The following ULK4 variants were observed in gnomAD, a reference collection of about 807,000 sequenced individuals.
ULK4 encodes the protein unc-51 like kinase 4, also known as inactive serine/threonine-protein kinase ULK4.
ULK4 carries 133 observed loss-of-function variants against 160.6 expected under a neutral mutation model. The observed-to-expected ratio is 0.83, with a 90% CI of 0.72 to 0.96. ULK4 has a LOEUF of 0.96. Ranked by LOEUF, ULK4 falls within the 40% of genes least tolerant of loss-of-function variation. The pLI, the probability that ULK4 is intolerant of heterozygous loss-of-function variation, is 0.00. For missense variants in ULK4, 1,580 were observed against 1,499.5 expected (o/e 1.05, Z -0.89); for synonymous variants, 534 against 539.8 (o/e 0.99, Z 0.15).
chr3:41,532,304 T>C (rs1185452901), intron 32 of ULK4, among the ~76,000 whole-genome samples: 1 of 152,200 alleles, frequency 6.6e-6, no homozygotes, highest in South Asian at 2.1e-4. Flanking sequence ...GCTGCTTCAC[T>C]GTCTCAAGCT....
intron 17 of ULK4, among the ~76,000 whole-genome samples, chr3:41,849,290 C>A (rs891306800): frequency 2.0e-5 from 3 of 152,158 alleles, no homozygotes; most frequent in African/African-American, 7.2e-5. Context: ...TAAACTATTG[C>A]ATCCATATCT....
At chr3:41,844,894 A>T (rs2042028757) in intron 17 of ULK4, among the ~76,000 whole-genome samples, 2 of 151,968 alleles carry the variant, frequency 1.3e-5, no homozygotes, top group African/African-American at 4.8e-5. Context: ...GCTGTTGTCC[A>T]CACAAACATC....
intron 27 of ULK4, among the ~76,000 whole-genome samples, chr3:41,703,785 T>C (rs2036763887): frequency 6.6e-6 from 1 of 151,418 alleles, no homozygotes; most frequent in East Asian, 1.9e-4. Context: ...AATTCCAACA[T>C]GTCAGAAGCC....
intron 32 of ULK4, among the ~76,000 whole-genome samples, chr3:41,477,940 G>A (rs1350444027): frequency 1.3e-5 from 2 of 152,216 alleles, no homozygotes; most frequent in South Asian, 2.1e-4. Context: ...GGTCTAACAT[G>A]CTCACCTAGG....
chr3:41,380,920 T>C (rs943797641), intron 35 of ULK4, among the ~76,000 whole-genome samples: 8 of 152,180 alleles, frequency 5.3e-5, no homozygotes, highest in Non-Finnish European at 1.2e-4. Flanking sequence ...TATGCTCCTC[T>C]TGCATGTGTC....
At chr3:41,491,788 AG>A in intron 32 of ULK4, among the ~76,000 whole-genome samples, 1 of 53,362 alleles carries the variant, frequency 1.9e-5, no homozygotes, top group South Asian at 5.6e-4. Context: ...TGTGCAGGTT[AG>A]TTACATATGT....
intron 30 of ULK4, among the ~76,000 whole-genome samples, chr3:41,651,682 G>T (rs2034749806): frequency 6.6e-6 from 1 of 152,276 alleles, no homozygotes; most frequent in African/African-American, 2.4e-5. Context: ...AAGTAAAAAG[G>T]AATTTTCTTG....
At chr3:41,803,729 T>C (rs980092593) in intron 19 of ULK4, among the ~76,000 whole-genome samples, 6 of 152,074 alleles carry the variant, frequency 3.9e-5, no homozygotes, top group Non-Finnish European at 8.8e-5. Flanking sequence ...AGTGAGAACA[T>C]GCGGTGTTTG....
intron 35 of ULK4, among the ~76,000 whole-genome samples, chr3:41,279,260 A>AAAC (rs530540949): frequency 0.26 from 32,685 of 126,668 alleles, 4,071 homozygotes; most frequent in Non-Finnish European, 0.31. Flanking sequence ...AAGAGTAAAA[A>AAAC]AAAAAAAAAA....
intron 32 of ULK4, among the ~76,000 whole-genome samples, chr3:41,497,651 T>C (rs1053486293): frequency 6.6e-6 from 1 of 152,130 alleles, no homozygotes; most frequent in Non-Finnish European, 1.5e-5. Flanking sequence ...GGACATTCCA[T>C]ATTGATGATA....
At chr3:41,347,931 G>A (rs1458508776) in intron 35 of ULK4, among the ~76,000 whole-genome samples, 1 of 152,114 alleles carries the variant, frequency 6.6e-6, no homozygotes, top group Non-Finnish European at 1.5e-5. Context: ...TGGACCACTA[G>A]GCACAGTGGC....
chr3:41,690,266 G>A (rs1479732285), intron 27 of ULK4, among the ~76,000 whole-genome samples: 1 of 151,162 alleles, frequency 6.6e-6, no homozygotes, highest in Non-Finnish European at 1.5e-5. Context: ...ACAGGAAGGG[G>A]AACATCACAC....
At chr3:41,946,460 T>G (rs1166463999) in intron 2 of ULK4, among the ~76,000 whole-genome samples, 2 of 152,228 alleles carry the variant, frequency 1.3e-5, no homozygotes, top group Admixed American at 6.5e-5. Flanking sequence ...GGATATTACA[T>G]GACTGCATAC....
In ULK4 at chr3:41,506,767, A is replaced by AAAAAAAAAATATATATATATATAAATAT; in HGVS notation, c.3227-43515_3227-43514insATATTTATATATATATATATTTTTTTTT. On this transcript the variant is annotated intron_variant, in intron 32 of 36. Coordinates refer to ENST00000301831, the MANE Select transcript of ULK4 (RefSeq NM_017886.4). Reference sequence around the variant, plus strand: ...AGCAATACACTGGAGTGTGATTTAAAATATATATATATATATATATATATA... The same window carrying AAAAAAAAAATATATATATATATAAATAT: ...AGCAATACACTGGAGTGTGATTTAAAAAAAAAAAATATATATATATATAAATATATATATATATATATATATATATATA... Among the ~76,000 whole-genome samples, 21 of 56,788 alleles carry AAAAAAAAAATATATATATATATAAATAT rather than the reference A, an allele frequency of 3.7e-4. 1 individual carries two copies. The highest frequency in any genetic ancestry group is 6.3e-4 in the Non-Finnish European group (20 of 31,978). The allele number at this position is 56,788 out of a possible 152,430, so 37.3% of individuals were successfully genotyped here.
chr3:41,601,781 AAAG>A (rs1559425116), intron 31 of ULK4, among the ~76,000 whole-genome samples: 1 of 152,230 alleles, frequency 6.6e-6, no homozygotes, highest in Non-Finnish European at 1.5e-5. Context: ...AGGTCATCCA[AAAG>A]AAGGAAAGTC....
chr3:41,947,120 G>A (rs1016796257), intron 2 of ULK4, among the ~76,000 whole-genome samples: 2 of 152,206 alleles, frequency 1.3e-5, no homozygotes, highest in Non-Finnish European at 2.9e-5. Flanking sequence ...AAGGTCGGGA[G>A]ATCGAGACCA....
At position 41,265,465 on chromosome 3, in the gene ULK4, C is replaced by T. The variant is rs149107407; in HGVS notation, c.3679-15891G>A. ...GGCTCTCTAATGAAACATTAGGGGCCGCCAAAATTCCTTCAAATTAATAAA... is the reference window on the plus strand; with the variant it reads ...GGCTCTCTAATGAAACATTAGGGGCTGCCAAAATTCCTTCAAATTAATAAA... On this transcript the variant is annotated intron_variant, in intron 35 of 36. Coordinates refer to ENST00000301831, the MANE Select transcript of ULK4 (RefSeq NM_017886.4). Among the ~76,000 whole-genome samples the T allele has an allele frequency of 8.9e-4, 135 of 152,064 alleles. 1 individual carries two copies. Among genetic ancestry groups the T allele is most frequent in the African/African-American group, 3.1e-3 (127 of 41,448 alleles).
rs531855948 is a variant in ULK4, at chr3:41,381,440, C to A, written c.3678+16639G>T. On this transcript the variant is annotated intron_variant, in intron 35 of 36. Coordinates refer to ENST00000301831, the MANE Select transcript of ULK4 (RefSeq NM_017886.4). ...TTGCCATTTCCAGATGGATGTTCAA[C>A]AGGCATCTTAAATGTAAAATGTTCA... Among the ~76,000 whole-genome samples the A allele has an allele frequency of 3.3e-5, 5 of 152,308 alleles. No homozygotes were observed. The South Asian group carries it at 1.0e-3, about 32-fold the overall frequency.
At chr3:41,356,414 C>T (rs2081030312) in intron 35 of ULK4, among the ~76,000 whole-genome samples, 1 of 152,160 alleles carries the variant, frequency 6.6e-6, no homozygotes, top group Admixed American at 6.5e-5. Flanking sequence ...GACTGTTCTT[C>T]TCTAATACAA....
Sources: allele counts gnomAD v4.1 joint callset (sites outside exome capture counted in the v4.1 genomes callset), GRCh38; gene constraint gnomAD v4.1.1; transcripts MANE v1.5; gene names NCBI Gene and HGNC (gene_info 2026-07-23, HGNC 2026-07-21).